Variants in GRIP2 observed in about 807,000 individuals in gnomAD.
GRIP2 encodes glutamate receptor-interacting protein 2.
Under a neutral mutation model 108.3 loss-of-function variants are expected in GRIP2, and 58 were observed. That is an observed-to-expected ratio of 0.54 (90% CI 0.43 to 0.67). The LOEUF is 0.67. Ranked by LOEUF, GRIP2 falls within the 30% of genes least tolerant of loss-of-function variation. The pLI is 0.00. For missense variants in GRIP2, 1,278 were observed against 1,430.6 expected (o/e 0.89, Z 1.72); for synonymous variants, 586 against 598.2 (o/e 0.98, Z 0.30).
intron 21 of GRIP2, among the ~76,000 whole-genome samples, chr3:14,498,704 A>C (rs536916946): frequency 3.5e-4 from 54 of 152,338 alleles, no homozygotes; most frequent in African/African-American, 1.3e-3. Flanking sequence ...TTGGACCCCT[A>C]AAATTGTAGA....
upstream of GRIP2, chr3:14,541,825 G>A: frequency 1.6e-6 from 2 of 1,240,156 alleles, no homozygotes; most frequent in Non-Finnish European, 2.1e-6. Flanking sequence ...GAATTTAGTG[G>A]ACATTTCCTG....
chr3:14,496,335 A>C, intron 22 of GRIP2, 82 bp downstream of exon 22: 29 of 1,183,814 alleles, frequency 2.4e-5, no homozygotes, highest in Non-Finnish European at 3.4e-5. Context: ...TGAGAGGGGC[A>C]GGGCCCCTCT....
chr3:14,602,467 G>A, the GRIP2 span, among the ~76,000 whole-genome samples: 5 of 152,122 alleles, frequency 3.3e-5, no homozygotes, highest in South Asian at 8.3e-4. The surrounding 1 kb of genome is among the most constrained non-coding windows in gnomAD (Gnocchi z 4.7). Flanking sequence ...AGCCTCGGGG[G>A]CCAAAGGACC....
At chr3:14,508,781 G>C (rs964487723) in intron 17 of GRIP2, among the ~76,000 whole-genome samples, 1 of 152,150 alleles carries the variant, frequency 6.6e-6, no homozygotes, top group Non-Finnish European at 1.5e-5. Flanking sequence ...TGTTCTTAAT[G>C]GTTTTTATTT....
chr3:14,514,354 G>A lies in GRIP2; in HGVS notation c.1431C>T (p.Ala477=). ...GGGGTGGGGAGGACAGGGTCTCGGT[G>A]GCGAAGATGCCGCCCTGGAGCTGGA... ...FGLQLQGGIF[A]TETLSSPPLV... Residue 477 remains alanine, a synonymous_variant, in exon 12 of 24, where the codon GCC becomes GCT. Transcript: ENST00000621039. 1 of 1,577,656 alleles carries A rather than the reference G, an allele frequency of 6.3e-7. No individual in the cohort carries two copies. The highest frequency in any genetic ancestry group is 1.2e-5 in the South Asian group (1 of 85,450).
the GRIP2 span, among the ~76,000 whole-genome samples, chr3:14,597,738 G>C: frequency 0.021 from 3,225 of 152,238 alleles, 66 homozygotes; most frequent in Middle Eastern, 0.1. Context: ...TTTTAAAGGA[G>C]AGGGTAAGAA....
upstream of GRIP2, among the ~76,000 whole-genome samples, chr3:14,546,125 G>A (rs770361420): frequency 6.6e-6 from 1 of 152,144 alleles, no homozygotes; most frequent in African/African-American, 2.4e-5. Context: ...CACCCCGTAG[G>A]GACCTGTGGG....
At chr3:14,598,030 C>T in the GRIP2 span, among the ~76,000 whole-genome samples, 1 of 152,196 alleles carries the variant, frequency 6.6e-6, no homozygotes, top group Non-Finnish European at 1.5e-5. Context: ...AGATGTTTCA[C>T]AGCAGGAAGT....
upstream of GRIP2, among the ~76,000 whole-genome samples, chr3:14,542,463 C>T (rs998657720): frequency 6.7e-6 from 1 of 150,234 alleles, no homozygotes; most frequent in African/African-American, 2.4e-5. Context: ...AATTGGAAGC[C>T]TTGCCTCATT....
intron 1 of GRIP2, among the ~76,000 whole-genome samples, chr3:14,551,028 G>T (rs1182124837): frequency 1.3e-5 from 2 of 152,210 alleles, no homozygotes; most frequent in African/African-American, 2.4e-5. Context: ...GTGAGCGGGA[G>T]GGGGGAGGCA....
At chr3:14,540,909 A>G (rs758131836), upstream of GRIP2, among the ~76,000 whole-genome samples, 70 of 152,184 alleles carry the variant, frequency 4.6e-4, no homozygotes, top group Non-Finnish European at 9.7e-4. The surrounding 1 kb of genome is among the most constrained non-coding windows in gnomAD (Gnocchi z 4.1). Context: ...CCCTCGGTAA[A>G]ATGGGACTTA....
At chr3:14,582,812 C>T in the GRIP2 span, among the ~76,000 whole-genome samples, 1 of 152,214 alleles carries the variant, frequency 6.6e-6, no homozygotes, top group Non-Finnish European at 1.5e-5. Context: ...TTAGCATGCA[C>T]ATCTGTTTGT....
chr3:14,560,683 T>C (rs918463106), upstream of GRIP2, among the ~76,000 whole-genome samples: 6 of 152,250 alleles, frequency 3.9e-5, no homozygotes, highest in South Asian at 6.2e-4. Flanking sequence ...CCAATCCTGA[T>C]GATGATGGCA....
At chr3:14,527,819 C>A (rs148656957) in intron 1 of GRIP2, among the ~76,000 whole-genome samples, 1 of 152,180 alleles carries the variant, frequency 6.6e-6, no homozygotes, top group East Asian at 1.9e-4. Context: ...TCGCTTGAAC[C>A]CAGGAGGCGG....
intron 16 of GRIP2, among the ~76,000 whole-genome samples, chr3:14,510,853 C>T (rs1559337255): frequency 1.3e-5 from 2 of 152,216 alleles, no homozygotes; most frequent in Non-Finnish European, 2.9e-5. Flanking sequence ...CTGCCCTACC[C>T]ACTCATCTCT....
intron 1 of GRIP2, chr3:14,531,196 C>T (rs1252814239): frequency 6.6e-6 from 1 of 152,144 alleles, no homozygotes; most frequent in Non-Finnish European, 1.5e-5. Context: ...AGTTTTATTT[C>T]TTACTTTCTA....
At chr3:14,557,991 G>T (rs111918080), upstream of GRIP2, among the ~76,000 whole-genome samples, 6 of 152,328 alleles carry the variant, frequency 3.9e-5, no homozygotes, top group East Asian at 1.9e-4. Flanking sequence ...ATATGTAACC[G>T]TTATTAGTGT....
rs1701364998 is a variant in GRIP2 at position 14,492,773 on chromosome 3, T to C, written c.*892A>G. On this transcript the variant is annotated 3_prime_UTR_variant, in exon 24 of 24. Coordinates refer to ENST00000621039, the MANE Select transcript of GRIP2 (RefSeq NM_001080423.4). ...ATGACCCCTCCCACATGGAGGGGCT[T>C]GGGCTGAGCGGACGTGCAGATGGGT... 1 of 152,188 alleles carries C rather than the reference T, an allele frequency of 6.6e-6. No individual in the cohort carries two copies. Among genetic ancestry groups the C allele is most frequent in the South Asian group, 2.1e-4 (1 of 4,828 alleles). 9.4% of individuals were successfully genotyped at this position (152,188 alleles called of 1,614,324 possible).
the GRIP2 span, among the ~76,000 whole-genome samples, chr3:14,600,183 T>C: frequency 1.4e-4 from 21 of 152,276 alleles, no homozygotes; most frequent in African/African-American, 4.8e-4. Context: ...CCCTGAGCCC[T>C]GAGTTCTCCT....
Sources: allele counts gnomAD v4.1 joint callset (sites outside exome capture counted in the v4.1 genomes callset), GRCh38; gene constraint gnomAD v4.1.1; non-coding constraint Gnocchi (gnomAD v3.1); transcripts MANE v1.5; gene names NCBI Gene and HGNC (gene_info 2026-07-23, HGNC 2026-07-21).